Variants in TRIM41 observed in about 807,000 individuals in gnomAD.
The protein encoded by TRIM41 is E3 ubiquitin-protein ligase TRIM41.
TRIM41 carries 21 observed loss-of-function variants against 60.6 expected under a neutral mutation model. The observed-to-expected ratio is 0.35, with a 90% CI of 0.25 to 0.50. The LOEUF (loss-of-function observed/expected upper bound fraction) is 0.50, where lower values mean the gene tolerates loss of function less well. Ranked by LOEUF, TRIM41 falls within the 20% of genes least tolerant of loss-of-function variation. The pLI is 0.98. For synonymous variants in TRIM41, 407 were observed against 344.9 expected (o/e 1.18, Z -2.00); for missense variants, 846 against 868.3 (o/e 0.97, Z 0.32).
chr5:181,234,113 G>A lies in TRIM41; in HGVS notation c.1292-61G>A. On this transcript the variant is annotated intron_variant, in intron 5 of 5. Coordinates refer to ENST00000315073, the MANE Select transcript of TRIM41 (RefSeq NM_033549.5). This position sits in a 1 kb window ranked among gnomAD's most constrained non-coding sequence, Gnocchi z 5.6. ...GAAAGGGGGCCCAATCTGTGGAGTTGGCTGCTGACAGGGGAACAGCCGTTC... is the reference window on the plus strand; with the variant it reads ...GAAAGGGGGCCCAATCTGTGGAGTTAGCTGCTGACAGGGGAACAGCCGTTC... The A allele has an allele frequency of 6.3e-7, 1 of 1,599,872 alleles. No individual in the cohort carries two copies. The highest frequency in any genetic ancestry group is 8.5e-7 in the Non-Finnish European group (1 of 1,179,636).
At position 181,235,630 on chromosome 5, in the gene TRIM41, G is replaced by A. The variant is rs1271971225; in HGVS notation, c.*855G>A. 12 of 554,456 alleles carry A rather than the reference G, an allele frequency of 2.2e-5. No homozygotes were observed. In the Admixed American group the frequency reaches 3.1e-4, roughly 14 times the overall value. 34.3% of individuals were successfully genotyped at this position (554,456 alleles called of 1,614,324 possible). ...ACTCCATTTGGCAAGCTCTGAGGGGGAGCCTGGGGACGGGTTTGGGTCCCC... is the reference window on the plus strand; with the variant it reads ...ACTCCATTTGGCAAGCTCTGAGGGGAAGCCTGGGGACGGGTTTGGGTCCCC... On this transcript the variant is annotated 3_prime_UTR_variant, in exon 6 of 6. Coordinates refer to ENST00000315073, the MANE Select transcript of TRIM41 (RefSeq NM_033549.5).
Position 181,230,767 on chromosome 5 carries a change from A to T in TRIM41, c.837A>T (p.Glu279Asp), listed in dbSNP as rs749995940. ...AGGCCAAACTGCAGGGGCACGTGGA[A>T]CCACTGAGGAAGCACCTGGAGGCAG... The part of the protein sequence containing the change: ...EYKAKLQGHV[E>D]PLRKHLEAVQ... Residue 279 changes from glutamate (E) to aspartate (D), a missense_variant, in exon 2 of 6, where the codon GAA becomes GAT. Coordinates refer to ENST00000315073, the MANE Select transcript of TRIM41 (RefSeq NM_033549.5). 6.2e-7 allele frequency: 1 copy of T among 1,613,216 alleles called. No homozygotes were observed. The highest frequency in any genetic ancestry group is 8.5e-7 in the Non-Finnish European group (1 of 1,179,444).
intron 1 of TRIM41, chr5:181,230,524 A>AAAAAAAAAAAAC (rs1758749969): frequency 4.2e-6 from 1 of 235,606 alleles, no homozygotes; most frequent in African/African-American, 2.6e-5. Context: ...AAAAAAAAAA[A>AAAAAAAAAAAAC]AATACACACA....
In TRIM41 at chr5:181,234,589, G is replaced by C; in HGVS notation, c.1707G>C (p.Leu569=). 1.9e-6 allele frequency: 3 copies of C among 1,614,230 alleles called. No individual in the cohort carries two copies. Among genetic ancestry groups the C allele is most frequent in the Non-Finnish European group, 2.5e-6 (3 of 1,180,036 alleles). Residue 569 remains leucine, a synonymous_variant, in exon 6 of 6, where the codon CTG becomes CTC. Coordinates refer to ENST00000315073, the MANE Select transcript of TRIM41 (RefSeq NM_033549.5). The surrounding 1 kb of genome is among the most constrained non-coding windows in gnomAD (Gnocchi z 5.6). Reference sequence around the variant, plus strand: ...CCCAGAGCTCCACAGAACAGACGCTGCTGAGCCCCAGTGAGAAACCAAGGC... The same window carrying C: ...CCCAGAGCTCCACAGAACAGACGCTCCTGAGCCCCAGTGAGAAACCAAGGC... ...YQAQSSTEQT[L]LSPSEKPRRF... is the part of the protein sequence containing the mutation.
At position 181,233,524 on chromosome 5, in the gene TRIM41, TC is replaced by T; in HGVS notation, c.1163+93del. Reference sequence around the variant, plus strand: ...TCGGTATCCCTCTCCTCTCCTTCCTTCCCCAGGACCTGAGTTTCCATCTCCT... The same window carrying T: ...TCGGTATCCCTCTCCTCTCCTTCCTTCCCAGGACCTGAGTTTCCATCTCCT... On this transcript the variant is annotated intron_variant, in intron 4 of 5. Transcript: ENST00000315073. This position sits in a 1 kb window ranked among gnomAD's most constrained non-coding sequence, Gnocchi z 4.1. 1.2e-6 allele frequency: 2 copies of T among 1,611,756 alleles called. No homozygotes were observed. The highest frequency in any genetic ancestry group is 1.7e-6 in the Non-Finnish European group (2 of 1,178,216).
rs1758892144 is a variant in TRIM41 at position 181,233,352 on chromosome 5, G to A, written c.1141-61G>A. 6.5e-7 allele frequency: 1 copy of A among 1,547,014 alleles called. No homozygotes were observed. On this transcript the variant is annotated intron_variant, in intron 3 of 5. Coordinates refer to ENST00000315073, the MANE Select transcript of TRIM41 (RefSeq NM_033549.5). The surrounding 1 kb of genome is among the most constrained non-coding windows in gnomAD (Gnocchi z 4.1). The stretch of plus-strand genomic sequence containing the variant: ...GGAGATCGGGGAACGCTGTCCCTGT[G>A]CAGCTGACACTCTCTTTATCTCTTT...
chr5:181,231,070 G>C, intron 2 of TRIM41: 1 of 402,608 alleles, frequency 2.5e-6, no homozygotes, highest in South Asian at 2.2e-5. Flanking sequence ...GGATTGGAGG[G>C]CCTAGGTGCC....
At position 181,224,181 on chromosome 5, in the gene TRIM41, G is replaced by A. The variant is rs1177550472; in HGVS notation, c.182G>A (p.Arg61Gln). ...EDEEDRDELD[R>Q]EEEEEDGEEE... ...GAGGAGGACAGAGATGAGTTAGATC[G>A]GGAGGAGGAGGAGGAGGACGGAGAG... The change falls in exon 1 of 6, where the codon CGG (arginine) becomes CAG (glutamine). Residue 61 changes from arginine (R) to glutamine (Q), a missense_variant. By Grantham distance (43) the Arg-to-Gln change is conservative. Coordinates refer to ENST00000315073, the MANE Select transcript of TRIM41 (RefSeq NM_033549.5). The A allele has an allele frequency of 5.6e-6, 9 of 1,613,834 alleles. No individual in the cohort carries two copies. Among genetic ancestry groups the A allele is most frequent in the Admixed American group, 5.0e-5 (3 of 60,012 alleles).
At position 181,235,148 on chromosome 5, in the gene TRIM41, CTT is replaced by C. The variant is rs71963223; in HGVS notation, c.*375_*376del. The C allele has an allele frequency of 0.049, 76,026 of 1,549,864 alleles. 2,344 individuals are homozygous for C. Among genetic ancestry groups the C allele is most frequent in the African/African-American group, 0.14 (10,203 of 73,752 alleles). On this transcript the variant is annotated 3_prime_UTR_variant, in exon 6 of 6. Transcript: ENST00000315073. Reference sequence around the variant, plus strand: ...TTTCCCCACCCCTGCTCTTCAACCTCTTTATCAGTTCTGAGGCTGGAGGGTTT... The same window carrying C: ...TTTCCCCACCCCTGCTCTTCAACCTCTATCAGTTCTGAGGCTGGAGGGTTT...
chr5:181,233,149 A>G lies in TRIM41; in HGVS notation c.1140+260A>G, dbSNP rs1453796156. On this transcript the variant is annotated intron_variant, in intron 3 of 5. Transcript: ENST00000315073. This position sits in a 1 kb window ranked among gnomAD's most constrained non-coding sequence, Gnocchi z 4.1. ...GACAGTTGAGGAAAGTCTTTTTGACAGTGACATCCTGAAAAAGGTGAGCAA... is the reference window on the plus strand; with the variant it reads ...GACAGTTGAGGAAAGTCTTTTTGACGGTGACATCCTGAAAAAGGTGAGCAA... 1 of 712,942 alleles carries G rather than the reference A, an allele frequency of 1.4e-6. No individual in the cohort carries two copies. The highest frequency in any genetic ancestry group is 2.5e-6 in the Non-Finnish European group (1 of 393,812). 44.2% of individuals were successfully genotyped at this position (712,942 alleles called of 1,614,324 possible).
rs145706667 is a variant in TRIM41, at chr5:181,234,716, C to T, written c.1834C>T (p.Arg612Cys). 5.4e-5 allele frequency: 87 copies of T among 1,614,164 alleles called. No individual in the cohort carries two copies. Among genetic ancestry groups the T allele is most frequent in the Non-Finnish European group, 6.4e-5 (76 of 1,180,010 alleles). ...CTTCTCGGCTGCCTTCCTGGGCGAG[C>T]GTGTCTTTCCTTTCTTCCGGGTGCT... ...HTFSAAFLGERVFPFFRVLSK... is the reference protein window; with the variant it reads ...HTFSAAFLGECVFPFFRVLSK... The change falls in exon 6 of 6, where the codon CGT becomes TGT. Residue 612 changes from arginine (R) to cysteine (C), a missense_variant. Coordinates refer to ENST00000315073, the MANE Select transcript of TRIM41 (RefSeq NM_033549.5). The surrounding 1 kb of genome is among the most constrained non-coding windows in gnomAD (Gnocchi z 5.6).
At chr5:181,229,060 C>T (rs1449958630) in intron 1 of TRIM41, 1 of 150,972 alleles carries the variant, frequency 6.6e-6, no homozygotes, top group Non-Finnish European at 1.5e-5. Context: ...TTGTGTAGTT[C>T]ATGCTATTGT....
At position 181,235,423 on chromosome 5, in the gene TRIM41, ACAT is replaced by A. The variant is rs781403433; in HGVS notation, c.*655_*657del. 86 of 1,613,698 alleles carry A rather than the reference ACAT, an allele frequency of 5.3e-5. No homozygotes were observed. Among genetic ancestry groups the A allele is most frequent in the South Asian group, 6.6e-5 (6 of 91,048 alleles). On this transcript the variant is annotated 3_prime_UTR_variant, in exon 6 of 6. Coordinates refer to ENST00000315073, the MANE Select transcript of TRIM41 (RefSeq NM_033549.5). The stretch of plus-strand genomic sequence containing the variant: ...GCCATGATTGAAACCACGCACCATT[ACAT>A]CATCATTACATTAATTACATCAACA...
At chr5:181,224,843 T>G (rs1273387916) in intron 1 of TRIM41, 31 bp downstream of exon 1, 3 of 1,613,208 alleles carry the variant, frequency 1.9e-6, no homozygotes, top group Non-Finnish European at 2.5e-6. Flanking sequence ...AGATGGGAGT[T>G]TAGTGGGGGG....
chr5:181,232,760 G>A lies in TRIM41; in HGVS notation c.1011G>A (p.Glu337=), dbSNP rs747183151. The change falls in exon 3 of 6, where the codon GAG becomes GAA. Residue 337 remains glutamate (E), a synonymous_variant. Transcript: ENST00000315073. ...EQAGLERRLR[E]MHEAQLGRAG... ...CAGGGCTGGAACGGCGTCTCAGAGAGATGCATGAAGCCCAGCTGGGGCGTG... is the reference window on the plus strand; with the variant it reads ...CAGGGCTGGAACGGCGTCTCAGAGAAATGCATGAAGCCCAGCTGGGGCGTG... 4.3e-6 allele frequency: 7 copies of A among 1,613,620 alleles called. No individual in the cohort carries two copies. The South Asian group carries it at 7.7e-5, about 18-fold the overall frequency.
Position 181,223,776 on chromosome 5 carries a change from C to G in TRIM41, c.-224C>G. The G allele has an allele frequency of 3.3e-6, 2 of 603,368 alleles. No individual in the cohort carries two copies. Among genetic ancestry groups the G allele is most frequent in the East Asian group, 2.8e-5 (1 of 36,104 alleles). The allele number at this position is 603,368 out of a possible 1,614,324, so 37.4% of individuals were successfully genotyped here. On this transcript the variant is annotated 5_prime_UTR_variant, in exon 1 of 6. Coordinates refer to ENST00000315073, the MANE Select transcript of TRIM41 (RefSeq NM_033549.5). The stretch of plus-strand genomic sequence containing the variant: ...AGCCACCTGAGGGACTTGGCGGTGG[C>G]GCCCAGCACTGTCCCCTCCCCTCGT...
At chr5:181,228,644 C>T (rs1007082292) in intron 1 of TRIM41, 1 of 147,648 alleles carries the variant, frequency 6.8e-6, no homozygotes, top group Non-Finnish European at 1.5e-5. Context: ...TTTTTGTCAG[C>T]AATTTAGGGT....
Position 181,224,119 on chromosome 5 carries a change from C to T in TRIM41, c.120C>T (p.Cys40=). The T allele has an allele frequency of 6.2e-7, 1 of 1,614,234 alleles. No individual in the cohort carries two copies. Reference sequence around the variant, plus strand: ...CCATCGGCTGCGGGCACAACTTCTGCCGAGTTTGTGTAACCCAGTTGTGGG... The same window carrying T: ...CCATCGGCTGCGGGCACAACTTCTGTCGAGTTTGTGTAACCCAGTTGTGGG... The part of the protein sequence containing the change: ...PVSIGCGHNF[C]RVCVTQLWGG... The change falls in exon 1 of 6, where the codon TGC becomes TGT. Residue 40 remains cysteine, a synonymous_variant. Coordinates refer to ENST00000315073, the MANE Select transcript of TRIM41 (RefSeq NM_033549.5).
At chr5:181,226,102 CT>C (rs562087042) in intron 1 of TRIM41, 159 of 145,494 alleles carry the variant, frequency 1.1e-3, no homozygotes, top group Admixed American at 1.3e-3. Context: ...ACAGAGTGGC[CT>C]TTTTTTTTTT....
Sources: allele counts gnomAD v4.1 joint callset, GRCh38; gene constraint gnomAD v4.1.1; non-coding constraint Gnocchi (gnomAD v3.1); transcripts MANE v1.5; gene names NCBI Gene and HGNC (gene_info 2026-07-23, HGNC 2026-07-21).